The following TCF7L2 variants were observed in gnomAD, a reference collection of about 807,000 sequenced individuals.
The protein encoded by TCF7L2 is transcription factor 7 like 2, also known as transcription factor 7-like 2.
A neutral mutation model predicts 77.9 loss-of-function variants in TCF7L2; 23 were observed. That is an observed-to-expected ratio of 0.30 (90% CI 0.21 to 0.42). TCF7L2 has a LOEUF of 0.42. TCF7L2 is among the 10% of genes least tolerant of loss of function. The pLI is 1.00. For missense variants in TCF7L2, 654 were observed against 793.1 expected (o/e 0.82, Z 2.11); for synonymous variants, 413 against 340.2 (o/e 1.21, Z -2.36).
chr10:113,129,829 T>C, intron 5 of TCF7L2: 1 of 1,288,964 alleles, frequency 7.8e-7, no homozygotes, highest in Non-Finnish European at 1.0e-6. Context: ...AGAGAAAGTT[T>C]TTTTAGAGGT....
At chr10:113,157,497 C>CTT (rs1437184994) in intron 11 of TCF7L2, among the ~76,000 whole-genome samples, 1 of 152,228 alleles carries the variant, frequency 6.6e-6, no homozygotes, top group African/African-American at 2.4e-5. Context: ...ACAGCAAACT[C>CTT]TAAGAGAAGC....
rs2061015354 is a variant in TCF7L2, at chr10:113,096,721, AG to A, written c.553-44462del. Among the ~76,000 whole-genome samples the A allele has an allele frequency of 2.0e-5, 3 of 152,150 alleles. 1 individual carries two copies. Among genetic ancestry groups the A allele is most frequent in the Non-Finnish European group, 4.4e-5 (3 of 68,034 alleles). ...TCTGGCCATGTCACAGCACACTTAC[AG>A]CCAGCTTCAGAGGCCAGTGCAGCAG... On this transcript the variant is annotated intron_variant, in intron 5 of 13. Transcript: ENST00000627217.
intron 4 of TCF7L2, among the ~76,000 whole-genome samples, chr10:112,965,574 A>G (rs1246816519): frequency 6.6e-6 from 1 of 151,286 alleles, no homozygotes; most frequent in African/African-American, 2.4e-5. Context: ...GTGTTATTCC[A>G]TGACTTCTTT....
rs1232226840 is a variant in TCF7L2 at position 113,135,246 on chromosome 10, A to G, written c.553-5938A>G. ...GGCCAAGTTGCAGAGCGCTATGCTTAAGGGTTCTTGAAAGGTCAAAGGTCA... is the reference window on the plus strand; with the variant it reads ...GGCCAAGTTGCAGAGCGCTATGCTTGAGGGTTCTTGAAAGGTCAAAGGTCA... On this transcript the variant is annotated intron_variant, in intron 5 of 13. Transcript: ENST00000627217. 2.6e-5 allele frequency among the ~76,000 whole-genome samples: 4 copies of G among 152,206 alleles called. No homozygotes were observed. In the East Asian group the frequency reaches 7.7e-4, roughly 29 times the overall value.
intron 4 of TCF7L2, among the ~76,000 whole-genome samples, chr10:113,035,903 C>T (rs180690348): frequency 5.3e-5 from 8 of 152,194 alleles, no homozygotes; most frequent in Admixed American, 1.3e-4. Flanking sequence ...TTGTGTGGGC[C>T]GCAAAGCCTA....
intron 5 of TCF7L2, among the ~76,000 whole-genome samples, chr10:113,091,009 C>G (rs1364262540): frequency 1.3e-5 from 2 of 152,116 alleles, no homozygotes; most frequent in African/African-American, 4.8e-5. Context: ...TCAAGAAATT[C>G]TCCTGCCTCA....
At chr10:113,102,091 G>T (rs1210552303) in intron 5 of TCF7L2, among the ~76,000 whole-genome samples, 53 of 131,254 alleles carry the variant, frequency 4.0e-4, no homozygotes, top group East Asian at 8.8e-4. Context: ...TCCAGCCTGG[G>T]TGACAGAGCG....
chr10:113,118,361 G>A (rs1226926309), intron 5 of TCF7L2, among the ~76,000 whole-genome samples: 4 of 152,210 alleles, frequency 2.6e-5, no homozygotes, highest in Non-Finnish European at 5.9e-5. Flanking sequence ...GTTTCTTAAA[G>A]AAGAGAAAGG....
chr10:113,058,314 T>C (rs1477484365), intron 5 of TCF7L2, among the ~76,000 whole-genome samples: 2 of 152,078 alleles, frequency 1.3e-5, no homozygotes, highest in African/African-American at 4.8e-5. Context: ...AGGCTCTGAA[T>C]GGGTCTGAAG....
intron 4 of TCF7L2, among the ~76,000 whole-genome samples, chr10:113,007,213 T>G (rs539339743): frequency 1.4e-4 from 21 of 152,132 alleles, no homozygotes; most frequent in Non-Finnish European, 2.4e-4. Context: ...TGTGGGGGCG[T>G]GTGATGCCTG....
chr10:113,109,024 T>C (rs1041807298), intron 5 of TCF7L2, among the ~76,000 whole-genome samples: 1 of 152,224 alleles, frequency 6.6e-6, no homozygotes, highest in Non-Finnish European at 1.5e-5. Context: ...AACTGTCCCC[T>C]TAACCACTAC....
At chr10:113,035,033 C>A (rs778613928) in intron 4 of TCF7L2, among the ~76,000 whole-genome samples, 1 of 150,232 alleles carries the variant, frequency 6.7e-6, no homozygotes, top group Non-Finnish European at 1.5e-5. Flanking sequence ...CTCTTTCTCT[C>A]TTTCTTTCAA....
At chr10:112,995,595 T>C (rs1401117879) in intron 4 of TCF7L2, among the ~76,000 whole-genome samples, 1 of 152,148 alleles carries the variant, frequency 6.6e-6, no homozygotes, top group African/African-American at 2.4e-5. Flanking sequence ...GAACAAGGGA[T>C]TGATCTAGAA....
In TCF7L2 at chr10:113,158,089, T is replaced by C. The variant is rs1487288347; in HGVS notation, c.1318+20T>C. 1 of 1,588,230 alleles carries C rather than the reference T, an allele frequency of 6.3e-7. No individual in the cohort carries two copies. The highest frequency in any genetic ancestry group is 8.6e-7 in the Non-Finnish European group (1 of 1,166,174). ...CCAATGGTAAGTGACAATCATCAGG[T>C]TAGAGGAAGGAGCTGTAGCCTGAGG... is the stretch of plus-strand genomic sequence containing the variant. On this transcript the variant is annotated intron_variant, in intron 12 of 13. Coordinates refer to ENST00000627217, the MANE Select transcript of TCF7L2 (RefSeq NM_001146274.2).
chr10:113,074,740 A>C (rs2058503841), intron 5 of TCF7L2, among the ~76,000 whole-genome samples: 1 of 152,136 alleles, frequency 6.6e-6, no homozygotes. Flanking sequence ...CCATAGGCAG[A>C]TTTTCATACC....
intron 4 of TCF7L2, among the ~76,000 whole-genome samples, chr10:112,988,575 A>G (rs1009712672): frequency 2.0e-5 from 3 of 152,160 alleles, no homozygotes; most frequent in South Asian, 4.1e-4. Context: ...ATTTTCTCTT[A>G]GTTTCCTTTC....
intron 5 of TCF7L2, among the ~76,000 whole-genome samples, chr10:113,065,057 A>C (rs1376293600): frequency 1.3e-5 from 2 of 152,182 alleles, no homozygotes; most frequent in African/African-American, 4.8e-5. Context: ...TAGGGAAAAA[A>C]GGGCCAGGTT....
At chr10:113,072,025 T>A (rs923610093) in intron 5 of TCF7L2, among the ~76,000 whole-genome samples, 4 of 151,928 alleles carry the variant, frequency 2.6e-5, no homozygotes, top group African/African-American at 7.2e-5. Flanking sequence ...ACTTGCTTTT[T>A]AAAAATTTTT....
At chr10:113,071,699 C>T (rs913893967) in intron 5 of TCF7L2, among the ~76,000 whole-genome samples, 4 of 152,114 alleles carry the variant, frequency 2.6e-5, no homozygotes, top group South Asian at 2.1e-4. Flanking sequence ...CATGGCAGGG[C>T]GAGTTGTGTG....
Sources: gnomAD v4.1 joint callset for allele counts (sites outside exome capture counted in the v4.1 genomes callset) on GRCh38, gnomAD v4.1.1 for gene constraint, MANE v1.5 for transcripts, NCBI Gene and HGNC (gene_info 2026-07-23, HGNC 2026-07-21) for gene names.